The following SLC25A14 variants were observed in gnomAD, a reference collection of about 807,000 sequenced individuals.
SLC25A14 encodes the protein brain mitochondrial carrier protein 1.
In SLC25A14, 8 loss-of-function variants were observed where a neutral mutation model predicts 28.1. The ratio of observed to expected loss-of-function variants is 0.28; its 90% CI spans 0.17 to 0.51. The LOEUF is 0.51. Ranked by LOEUF, SLC25A14 falls within the 20% of genes least tolerant of loss-of-function variation. SLC25A14 has a pLI of 0.97. For synonymous variants in SLC25A14, 74 were observed against 90.6 expected (o/e 0.82, Z 1.04); for missense variants, 135 against 263.8 (o/e 0.51, Z 3.38).
intron 6 of SLC25A14, among the ~76,000 whole-genome samples, chrX:130,353,899 A>G (rs1467472383): frequency 1.8e-5 from 2 of 111,427 alleles, no homozygotes; most frequent in Admixed American, 9.5e-5. Context: ...TATTTTGACT[A>G]ATTCCTTCTA....
intron 8 of SLC25A14, chrX:130,365,078 T>G: frequency 2.5e-6 from 2 of 800,075 alleles, no homozygotes; most frequent in Non-Finnish European, 3.0e-6. Flanking sequence ...GAAAGCAAAC[T>G]TTTCTCAGTG....
chrX:130,346,606 C>G lies in SLC25A14; in HGVS notation c.232C>G (p.Arg78Gly). Residue 78 changes from arginine (R) to glycine (G), a missense_variant, in exon 4 of 11, where the codon CGT (arginine) becomes GGT (glycine). Physicochemically the swap from Arg to Gly is moderately radical, Grantham distance 125. Coordinates refer to ENST00000545805, the MANE Select transcript of SLC25A14 (RefSeq NM_001282195.2). ...LQVQGQSIDA[R>G]FKEIKYRGMF... ...GGTTCAAGGCCAAAGCATTGATGCC[C>G]GTTTCAAAGAGATAAAATATAGAGG... 8.3e-7 allele frequency: 1 copy of G among 1,206,789 alleles called. No homozygotes were observed. The highest frequency in any genetic ancestry group is 1.1e-6 in the Non-Finnish European group (1 of 891,157).
intron 2 of SLC25A14, 104 bp downstream of exon 2, chrX:130,340,457 T>C (rs760221070): frequency 1.5e-5 from 13 of 895,882 alleles, no homozygotes; most frequent in Non-Finnish European, 1.9e-5. Flanking sequence ...ATTGAAGGCA[T>C]CTATTAAAAT....
At chrX:130,354,487 C>G (rs1452797984) in intron 6 of SLC25A14, among the ~76,000 whole-genome samples, 1 of 112,176 alleles carries the variant, frequency 8.9e-6, no homozygotes, top group Non-Finnish European at 1.9e-5. Flanking sequence ...CACAAAGAAA[C>G]TCAAAAATAA....
intron 9 of SLC25A14, among the ~76,000 whole-genome samples, chrX:130,369,093 C>A (rs2034200196): frequency 8.9e-6 from 1 of 111,881 alleles, no homozygotes; most frequent in Admixed American, 9.5e-5. Flanking sequence ...AGATGCCTCC[C>A]AGTTCTCACG....
intron 7 of SLC25A14, among the ~76,000 whole-genome samples, chrX:130,360,173 G>A (rs1182764951): frequency 9.4e-6 from 1 of 106,781 alleles, no homozygotes; most frequent in Admixed American, 1.0e-4. Flanking sequence ...TTACAGATGT[G>A]AGCCACCATG....
intron 6 of SLC25A14, among the ~76,000 whole-genome samples, chrX:130,351,478 A>C (rs923809837): frequency 1.8e-5 from 2 of 111,727 alleles, no homozygotes; most frequent in Non-Finnish European, 3.8e-5. Flanking sequence ...GATTTCTTTA[A>C]GGTTTTTTCA....
intron 4 of SLC25A14, 121 bp from the exon 5 acceptor site, chrX:130,349,130 G>T: frequency 5.8e-6 from 2 of 345,004 alleles, no homozygotes; most frequent in Non-Finnish European, 1.0e-5. Context: ...ATGAGTGCTT[G>T]AAAAAAATCA....
chrX:130,345,184 C>T lies in SLC25A14; in HGVS notation c.78C>T (p.His26=). 1 of 1,179,975 alleles carries T rather than the reference C, an allele frequency of 8.5e-7. No homozygotes were observed. Among genetic ancestry groups the T allele is most frequent in the Non-Finnish European group, 1.2e-6 (1 of 866,895 alleles). The part of the protein sequence containing the change: ...FATAAVIVSG[H]QKSTTVSHEM... Reference sequence around the variant, plus strand: ...TTCTGATTTGTGTTTATTTTTAGCACCAGAAAAGTACCACTGTAAGTCATG... The same window carrying T: ...TTCTGATTTGTGTTTATTTTTAGCATCAGAAAAGTACCACTGTAAGTCATG... Residue 26 remains histidine (H), a splice_region_variant and synonymous_variant, in exon 3 of 11, where the codon CAC becomes CAT. Coordinates refer to ENST00000545805, the MANE Select transcript of SLC25A14 (RefSeq NM_001282195.2).
intron 9 of SLC25A14, among the ~76,000 whole-genome samples, chrX:130,368,927 CATTT>C (rs774418736): frequency 2.2e-4 from 25 of 112,516 alleles, no homozygotes; most frequent in Non-Finnish European, 4.1e-4. Context: ...TTTGCTCACT[CATTT>C]ACTCACTTGC....
At position 130,373,047 on chromosome X, in the gene SLC25A14, C is replaced by A; in HGVS notation, c.*97C>A. On this transcript the variant is annotated 3_prime_UTR_variant, in exon 11 of 11. Coordinates refer to ENST00000545805, the MANE Select transcript of SLC25A14 (RefSeq NM_001282195.2). ...ATTTTGACAATGTTGTAAGTGTTTA[C>A]CAAGCCGTTGGTCTCCTAAGGGCCT... 1 of 690,855 alleles carries A rather than the reference C, an allele frequency of 1.4e-6. No homozygotes were observed. Among genetic ancestry groups the A allele is most frequent in the Non-Finnish European group, 2.2e-6 (1 of 452,096 alleles). 56.9% of individuals were successfully genotyped at this position (690,855 alleles called of 1,213,427 possible).
intron 6 of SLC25A14, among the ~76,000 whole-genome samples, chrX:130,351,576 G>A (rs5930402): frequency 0.43 from 47,753 of 110,358 alleles, 7,491 homozygotes; most frequent in African/African-American, 0.46. Flanking sequence ...ACGTATTTAA[G>A]CTTATGATTA....
chrX:130,372,147 T>G (rs1198118400), intron 10 of SLC25A14, among the ~76,000 whole-genome samples: 1 of 112,078 alleles, frequency 8.9e-6, no homozygotes. Flanking sequence ...GTGTGTGGTG[T>G]TGTGTGTATA....
At chrX:130,357,386 A>T (rs913099914) in intron 6 of SLC25A14, among the ~76,000 whole-genome samples, 5 of 111,553 alleles carry the variant, frequency 4.5e-5, no homozygotes, top group African/African-American at 1.6e-4. Context: ...ATATTGAGAC[A>T]TCATTTATCT....
rs145822008 is a variant in SLC25A14 at position 130,356,217 on chromosome X, CTTTTTTTTTTTTTT to C, written c.499-2409_499-2396del. Among the ~76,000 whole-genome samples, 185 of 52,081 alleles carry C rather than the reference CTTTTTTTTTTTTTT, an allele frequency of 3.6e-3. 2 individuals carry two copies. The highest frequency in any genetic ancestry group is 5.5e-3 in the South Asian group (4 of 729). The allele number at this position is 52,081 out of a possible 115,157, so 45.2% of individuals were successfully genotyped here. A position where few individuals can be genotyped will look rare whatever the true frequency, so the allele number is the denominator to read the frequency against. On this transcript the variant is annotated intron_variant, in intron 6 of 10. Transcript: ENST00000545805. ...GCTAGAATTCTTCTGCAAGGGCAAT[CTTTTTTTTTTTTTT>C]TTTTTTTTTTTTTGAGATGGAGTCT...
chrX:130,356,691 A>G (rs1005822904), intron 6 of SLC25A14, among the ~76,000 whole-genome samples: 2 of 112,035 alleles, frequency 1.8e-5, no homozygotes, highest in Non-Finnish European at 3.8e-5. Context: ...AAAGGAGAGT[A>G]GATTTTGGGA....
chrX:130,360,637 A>G lies in SLC25A14; in HGVS notation c.594+1902A>G, dbSNP rs140112953. 4.3e-3 allele frequency among the ~76,000 whole-genome samples: 478 copies of G among 112,014 alleles called. 4 individuals are homozygous for G. The highest frequency in any genetic ancestry group is 0.015 in the African/African-American group (462 of 30,831). ...GTTTGCTTTTTGGTAACAGCAGGGTACACTTGCTTGATATGTCTAATTTAA... is the reference window on the plus strand; with the variant it reads ...GTTTGCTTTTTGGTAACAGCAGGGTGCACTTGCTTGATATGTCTAATTTAA... On this transcript the variant is annotated intron_variant, in intron 7 of 10. Transcript: ENST00000545805.
intron 6 of SLC25A14, among the ~76,000 whole-genome samples, chrX:130,353,526 T>C (rs185152530): frequency 9.8e-5 from 11 of 112,011 alleles, no homozygotes; most frequent in African/African-American, 3.6e-4. Context: ...CATGCTCAAG[T>C]TTAAAAAAAA....
At chrX:130,372,866 C>G in intron 10 of SLC25A14, 43 bp from the exon 11 acceptor site, 2 of 978,911 alleles carry the variant, frequency 2.0e-6, no homozygotes, top group Non-Finnish European at 2.9e-6. Flanking sequence ...CTAGCTTTGG[C>G]TTTCGATATC....
Sources: gnomAD v4.1 joint callset for allele counts (sites outside exome capture counted in the v4.1 genomes callset) on GRCh38, gnomAD v4.1.1 for gene constraint, MANE v1.5 for transcripts, NCBI Gene and HGNC (gene_info 2026-07-23, HGNC 2026-07-21) for gene names.